The following ARMC2 variants were observed in gnomAD, a reference collection of about 807,000 sequenced individuals.
The protein encoded by ARMC2 is armadillo repeat-containing protein 2.
Under a neutral mutation model 90.3 loss-of-function variants are expected in ARMC2, and 67 were observed. The observed-to-expected ratio is 0.74, with a 90% CI of 0.61 to 0.91. ARMC2 has a LOEUF of 0.91. Among genes scored for constraint, ARMC2 ranks in the 40% least tolerant of loss-of-function variants. ARMC2 has a pLI of 0.00. For missense variants in ARMC2, 920 were observed against 1,030.9 expected, an observed-to-expected ratio of 0.89 and a Z score of 1.47; for synonymous variants, 393 against 393.0, an observed-to-expected ratio of 1.00 and a Z score of 0.00.
intron 11 of ARMC2, among the ~76,000 whole-genome samples, chr6:108,932,950 G>A (rs1242278893): frequency 6.6e-6 from 1 of 152,128 alleles, no homozygotes; most frequent in Non-Finnish European, 1.5e-5. Context: ...GTACCATGCT[G>A]TTTTGGTTAC....
the ARMC2 span, among the ~76,000 whole-genome samples, chr6:109,032,987 C>T: frequency 6.6e-6 from 1 of 152,130 alleles, no homozygotes; most frequent in Non-Finnish European, 1.5e-5. Flanking sequence ...ATCATAATTC[C>T]AGCCCTAAGG....
At chr6:109,000,487 T>G in the ARMC2 span, 1 of 1,544,758 alleles carries the variant, frequency 6.5e-7, no homozygotes, top group African/African-American at 1.4e-5. Flanking sequence ...ACCCCACTGC[T>G]TACCTCAATG....
chr6:109,017,718 TTAAA>T, the ARMC2 span, among the ~76,000 whole-genome samples: 1 of 152,184 alleles, frequency 6.6e-6, no homozygotes, highest in Non-Finnish European at 1.5e-5. Flanking sequence ...TTAGGAAGCA[TTAAA>T]TAGAGGGTCA....
At chr6:108,920,046 A>G (rs187783898) in intron 10 of ARMC2, among the ~76,000 whole-genome samples, 1 of 152,342 alleles carries the variant, frequency 6.6e-6, no homozygotes, top group African/African-American at 2.4e-5. Context: ...AGGAATTGAT[A>G]TGGATATGCC....
Position 108,882,337 on chromosome 6 carries a change from G to A in ARMC2, c.671+5987G>A, listed in dbSNP as rs1410963322. 5.3e-5 allele frequency among the ~76,000 whole-genome samples: 8 copies of A among 151,836 alleles called. No homozygotes were observed. The South Asian group carries it at 1.0e-3, about 20-fold the overall frequency. On this transcript the variant is annotated intron_variant, in intron 5 of 17. Transcript: ENST00000392644. ...ACCTGTAGTCCCAGCTACTCGGGAG[G>A]TTGAGGCAGGAGAATGGCGTGAACC...
the ARMC2 span, among the ~76,000 whole-genome samples, chr6:109,030,103 A>T: frequency 6.6e-6 from 1 of 152,172 alleles, no homozygotes; most frequent in East Asian, 1.9e-4. Context: ...CCTGGGTCTT[A>T]GACACGTGTC....
Position 108,868,895 on chromosome 6 carries a change from C to T in ARMC2, c.363C>T (p.Asp121=). 6.2e-7 allele frequency: 1 copy of T among 1,613,968 alleles called. No individual in the cohort carries two copies. The highest frequency in any genetic ancestry group is 8.5e-7 in the Non-Finnish European group (1 of 1,179,888). The stretch of plus-strand genomic sequence containing the variant: ...TTTCCTTTCCTAAGCCCCCAGTGGA[C>T]CCTGCGAAGATTAGAAGAGTAAGCA... The part of the protein sequence containing the change: ...SCFSFPKPPV[D]PAKIRRVSNA... The change falls in exon 4 of 18, where the codon GAC becomes GAT. Residue 121 remains aspartate (D), a synonymous_variant. Transcript: ENST00000392644.
intron 11 of ARMC2, among the ~76,000 whole-genome samples, chr6:108,932,783 C>T (rs7738527): frequency 6.6e-6 from 1 of 152,236 alleles, no homozygotes; most frequent in Non-Finnish European, 1.5e-5. Context: ...CCGCCTCGGC[C>T]TCCCAAAGTG....
At chr6:108,921,623 C>CAA (rs1774579848) in intron 10 of ARMC2, among the ~76,000 whole-genome samples, 1 of 152,148 alleles carries the variant, frequency 6.6e-6, no homozygotes, top group Non-Finnish European at 1.5e-5. Context: ...CTTGGGTTAC[C>CAA]ACACAGGCTC....
chr6:108,974,716 A>G (rs978420428), downstream of ARMC2, among the ~76,000 whole-genome samples: 1 of 152,018 alleles, frequency 6.6e-6, no homozygotes, highest in African/African-American at 2.4e-5. Flanking sequence ...TTCTCACCCT[A>G]CAAAACACCA....
At chr6:109,025,462 A>G in the ARMC2 span, among the ~76,000 whole-genome samples, 1 of 151,464 alleles carries the variant, frequency 6.6e-6, no homozygotes, top group Admixed American at 6.6e-5. Flanking sequence ...AAAAGATGCC[A>G]TTAGTGAGGA....
intron 13 of ARMC2, among the ~76,000 whole-genome samples, chr6:108,954,718 G>A (rs2128506232): frequency 6.6e-6 from 1 of 152,312 alleles, no homozygotes; most frequent in Non-Finnish European, 1.5e-5. Context: ...TTTTGGAGGA[G>A]CAATCTGTGA....
At chr6:109,004,761 C>T in the ARMC2 span, among the ~76,000 whole-genome samples, 1 of 152,172 alleles carries the variant, frequency 6.6e-6, no homozygotes, top group African/African-American at 2.4e-5. Flanking sequence ...GCAAACAACA[C>T]AGTTCAAGGA....
intron 12 of ARMC2, among the ~76,000 whole-genome samples, chr6:108,945,492 A>G (rs1033140477): frequency 6.6e-6 from 1 of 152,184 alleles, no homozygotes; most frequent in Non-Finnish European, 1.5e-5. Context: ...CCACGTTTAG[A>G]TACGGTTAAT....
At chr6:108,850,913 T>C (rs555900676) in intron 1 of ARMC2, among the ~76,000 whole-genome samples, 7 of 152,108 alleles carry the variant, frequency 4.6e-5, no homozygotes, top group African/African-American at 1.7e-4. Context: ...TAACTCAGGC[T>C]AGCAGGGTGG....
At chr6:108,941,585 G>A (rs1250950960) in intron 12 of ARMC2, among the ~76,000 whole-genome samples, 3 of 152,138 alleles carry the variant, frequency 2.0e-5, no homozygotes, top group Non-Finnish European at 2.9e-5. Context: ...AAAGTTACAT[G>A]TTAATTTGTA....
the ARMC2 span, among the ~76,000 whole-genome samples, chr6:109,014,886 T>G: frequency 3.9e-5 from 6 of 152,214 alleles, no homozygotes; most frequent in Non-Finnish European, 5.9e-5. Context: ...CAAATCACAC[T>G]AATTTTGTAA....
intron 6 of ARMC2, among the ~76,000 whole-genome samples, chr6:108,896,420 G>A (rs1277336236): frequency 6.6e-6 from 1 of 152,160 alleles, no homozygotes; most frequent in Non-Finnish European, 1.5e-5. Flanking sequence ...GTGTTTGTGT[G>A]TATCTTAAAA....
the ARMC2 span, among the ~76,000 whole-genome samples, chr6:108,980,542 T>A: frequency 6.6e-6 from 1 of 152,146 alleles, no homozygotes; most frequent in Non-Finnish European, 1.5e-5. Flanking sequence ...CTGGGAGATC[T>A]GCTGCTCTCT....
Sources: allele counts gnomAD v4.1 joint callset (sites outside exome capture counted in the v4.1 genomes callset), GRCh38; gene constraint gnomAD v4.1.1; transcripts MANE v1.5; gene names NCBI Gene and HGNC (gene_info 2026-07-23, HGNC 2026-07-21).